The following DNAH9 variants were observed in gnomAD, a reference collection of about 807,000 sequenced individuals.
DNAH9 encodes the protein dynein axonemal heavy chain 9, also known as DNAH9 variant protein.
DNAH9 carries 345 observed loss-of-function variants against 471.6 expected under a neutral mutation model. That is an observed-to-expected ratio of 0.73 (90% CI 0.67 to 0.80). The LOEUF is 0.80. Ranked by LOEUF, DNAH9 falls within the 30% of genes least tolerant of loss-of-function variation. DNAH9 has a pLI of 0.00. For synonymous variants in DNAH9, 2,093 were observed against 2,123.6 expected, an observed-to-expected ratio of 0.99 and a Z score of 0.40; for missense variants, 5,407 against 5,609.2, an observed-to-expected ratio of 0.96 and a Z score of 1.15.
At position 11,933,982 on chromosome 17, in the gene DNAH9, T is replaced by A. The variant is rs776386538; in HGVS notation, c.12400T>A (p.Phe4134Ile). 5 of 1,614,168 alleles carry A rather than the reference T, an allele frequency of 3.1e-6. No homozygotes were observed. The East Asian group carries it at 6.7e-5, about 22-fold the overall frequency. ...RRLCRTYLGE[F>I]IRPEMLEGEL... ...ACTCTGCAGAACCTACCTGGGGGAA[T>A]TCATTCGACCAGAAATGTTAGAAGG... Residue 4134 changes from phenylalanine to isoleucine, a missense_variant, in exon 65 of 69, where the codon TTC becomes ATC. This residue lies in a region of DNAH9 where 4,636 missense variants were observed against 4,900.3 expected (regional missense o/e 0.95). Coordinates refer to ENST00000262442, the MANE Select transcript of DNAH9 (RefSeq NM_001372.4).
At chr17:11,704,019 C>T (rs544573228) in intron 24 of DNAH9, among the ~76,000 whole-genome samples, 184 bp from the exon 25 acceptor site, 7 of 152,170 alleles carry the variant, frequency 4.6e-5, no homozygotes, top group Middle Eastern at 3.2e-3. Context: ...CCACCTGTAC[C>T]GCAACAACTT....
chr17:11,610,316 T>C, intron 2 of DNAH9, 80 bp from the exon 3 acceptor site: 1 of 1,181,742 alleles, frequency 8.5e-7, no homozygotes, highest in Non-Finnish European at 1.2e-6. Flanking sequence ...GATTCTGTCT[T>C]GGGGTACACC....
rs547969340 is a variant in DNAH9 at position 11,634,721 on chromosome 17, A to T, written c.1636-1913A>T. ...TACAGAGTCCTTAGAGTGCCTTGGA[A>T]TCATTAAGGAAATCCAGTCAAACTG... On this transcript the variant is annotated intron_variant, in intron 8 of 68. Transcript: ENST00000262442. 3.3e-5 allele frequency among the ~76,000 whole-genome samples: 5 copies of T among 152,292 alleles called. No homozygotes were observed. In the South Asian group the frequency reaches 1.0e-3, roughly 32 times the overall value.
chr17:11,656,028 G>T (rs1333587574), intron 14 of DNAH9, among the ~76,000 whole-genome samples: 1 of 152,138 alleles, frequency 6.6e-6, no homozygotes, highest in African/African-American at 2.4e-5. Flanking sequence ...AAACGGGCCT[G>T]TGCCCAGTAT....
Position 11,617,261 on chromosome 17 carries a change from A to G in DNAH9, c.905-150A>G, listed in dbSNP as rs2072765081. 2.1e-5 allele frequency: 13 copies of G among 604,788 alleles called. No individual in the cohort carries two copies. The South Asian group carries it at 2.4e-4, about 11-fold the overall frequency. The allele number at this position is 604,788 out of a possible 1,614,324, so 37.5% of individuals were successfully genotyped here. A position where few individuals can be genotyped will look rare whatever the true frequency, so the allele number is the denominator to read the frequency against. On this transcript the variant is annotated intron_variant, in intron 4 of 68. Transcript: ENST00000262442. ...AGTTGTTCAGGGCTCTCCAGTTTCC[A>G]TATTTCCTCATAAGAGCTAGGAAGT...
chr17:11,810,265 G>C lies in DNAH9; in HGVS notation c.8603G>C (p.Cys2868Ser). The change falls in exon 45 of 69, where the codon TGT becomes TCT. Residue 2868 changes from cysteine (C) to serine (S), a missense_variant. Coordinates refer to ENST00000262442, the MANE Select transcript of DNAH9 (RefSeq NM_001372.4). ...QDFKMDLASL[C>S]LKAGVKNLNT... is the part of the protein sequence containing the mutation. ...CTACAGATGGACCTGGCCAGCCTGT[G>C]TCTGAAAGCTGGAGTGAAGAATCTC... is the stretch of plus-strand genomic sequence containing the variant. 6.2e-7 allele frequency: 1 copy of C among 1,613,168 alleles called. No individual in the cohort carries two copies. Among genetic ancestry groups the C allele is most frequent in the Non-Finnish European group, 8.5e-7 (1 of 1,179,630 alleles).
chr17:11,895,794 C>A (rs956839290), intron 59 of DNAH9, among the ~76,000 whole-genome samples: 1 of 152,214 alleles, frequency 6.6e-6, no homozygotes, highest in Non-Finnish European at 1.5e-5. Context: ...CAGTATATAA[C>A]CATGTGGGAT....
chr17:11,846,424 A>T (rs1971226386), intron 49 of DNAH9, among the ~76,000 whole-genome samples: 1 of 151,680 alleles, frequency 6.6e-6, no homozygotes, highest in African/African-American at 2.4e-5. Context: ...TATAGTTTGA[A>T]GTCAGGTAGC....
intron 45 of DNAH9, among the ~76,000 whole-genome samples, chr17:11,816,850 G>T (rs925417646): frequency 2.0e-5 from 3 of 152,142 alleles, no homozygotes; most frequent in African/African-American, 7.2e-5. Context: ...AGTACTTGGA[G>T]TTACAAATAG....
chr17:11,672,751 C>A (rs1361880028), intron 17 of DNAH9, among the ~76,000 whole-genome samples: 3 of 152,090 alleles, frequency 2.0e-5, no homozygotes, highest in Non-Finnish European at 4.4e-5. Context: ...TTCACTCTAC[C>A]ATACCTCTGC....
At chr17:11,720,392 T>TC (rs1402103205) in intron 27 of DNAH9, among the ~76,000 whole-genome samples, 1 of 152,044 alleles carries the variant, frequency 6.6e-6, no homozygotes, top group Non-Finnish European at 1.5e-5. Context: ...ATGCTATCCC[T>TC]CCCCGCTTCC....
intron 1 of DNAH9, among the ~76,000 whole-genome samples, chr17:11,607,407 T>G (rs968318216): frequency 4.6e-5 from 7 of 152,034 alleles, no homozygotes; most frequent in Non-Finnish European, 8.8e-5. Context: ...AAAGCACACT[T>G]TGTATTAATA....
In DNAH9 at chr17:11,719,363, A is replaced by G. The variant is rs777861119; in HGVS notation, c.5582A>G (p.His1861Arg). The change falls in exon 27 of 69, where the codon CAC (histidine) becomes CGC (arginine). Residue 1861 changes from histidine to arginine, a missense_variant. Physicochemically the swap from His to Arg is conservative, Grantham distance 29 (BLOSUM62 0). This residue lies in a region of DNAH9 where 4,636 missense variants were observed against 4,900.3 expected (regional missense o/e 0.95). Coordinates refer to ENST00000262442, the MANE Select transcript of DNAH9 (RefSeq NM_001372.4). ...RCYITLTQSL[H>R]LTMSGAPAGP... ...TACATCACCCTCACCCAGTCCCTGCACCTGACCATGAGTGGGGCTCCCGCA... is the reference window on the plus strand; with the variant it reads ...TACATCACCCTCACCCAGTCCCTGCGCCTGACCATGAGTGGGGCTCCCGCA... 4.3e-6 allele frequency: 7 copies of G among 1,613,868 alleles called. No individual in the cohort carries two copies. In the African/African-American group the frequency reaches 5.3e-5, roughly 12 times the overall value.
At chr17:11,605,476 TCTGTTGTTG>T (rs151319692) in intron 1 of DNAH9, among the ~76,000 whole-genome samples, 80,646 of 150,878 alleles carry the variant, frequency 0.53, 22,125 homozygotes, top group Non-Finnish European at 0.59. Flanking sequence ...AGCTTTTTGG[TCTGTTGTTG>T]TTGTTGTTGT....
At position 11,807,854 on chromosome 17, in the gene DNAH9, A is replaced by G. The variant is rs1453814106; in HGVS notation, c.8543A>G (p.Gln2848Arg). Residue 2848 changes from glutamine (Q) to arginine (R), a missense_variant, in exon 44 of 69, where the codon CAG becomes CGG. Transcript: ENST00000262442. ...TTCATCAGCTCCATGGATGTCTTCCAGATCACACTGCGCAAAGGCTACCAG... is the reference window on the plus strand; with the variant it reads ...TTCATCAGCTCCATGGATGTCTTCCGGATCACACTGCGCAAAGGCTACCAG... ...AAFISSMDVF[Q>R]ITLRKGYQIQ... The G allele has an allele frequency of 2.5e-6, 4 of 1,613,724 alleles. No homozygotes were observed. The highest frequency in any genetic ancestry group is 1.3e-5 in the African/African-American group (1 of 74,922).
intron 42 of DNAH9, among the ~76,000 whole-genome samples, chr17:11,794,298 G>A (rs1032180113): frequency 2.6e-5 from 4 of 152,040 alleles, no homozygotes; most frequent in Admixed American, 6.6e-5. Flanking sequence ...TCCTGACTTC[G>A]TGATCCACCC....
chr17:11,605,355 G>A (rs1321165063), intron 1 of DNAH9, among the ~76,000 whole-genome samples: 1 of 152,138 alleles, frequency 6.6e-6, no homozygotes, highest in Non-Finnish European at 1.5e-5. Context: ...TAAGCTTCAT[G>A]AGGTCAGAAA....
At position 11,797,588 on chromosome 17, in the gene DNAH9, C is replaced by A; in HGVS notation, c.8224-9C>A. On this transcript the variant is annotated splice_polypyrimidine_tract_variant and intron_variant, in intron 42 of 68. Transcript: ENST00000262442. ...AATGAGGGCCCTTATTCCTGTGTCTCATCACCAGGATATTGAAGACCCTGT... is the reference window on the plus strand; with the variant it reads ...AATGAGGGCCCTTATTCCTGTGTCTAATCACCAGGATATTGAAGACCCTGT... 1 of 1,605,252 alleles carries A rather than the reference C, an allele frequency of 6.2e-7. No homozygotes were observed. The highest frequency in any genetic ancestry group is 1.1e-5 in the South Asian group (1 of 90,030).
At chr17:11,686,250 G>A (rs1332431680) in intron 19 of DNAH9, among the ~76,000 whole-genome samples, 2 of 152,034 alleles carry the variant, frequency 1.3e-5, no homozygotes, top group Non-Finnish European at 2.9e-5. Flanking sequence ...CTCACATCTG[G>A]GTCAGGCCTG....
Sources: gnomAD v4.1 joint callset for allele counts (sites outside exome capture counted in the v4.1 genomes callset) on GRCh38, gnomAD v4.1.1 for gene constraint, gnomAD v4.1.1 regional missense constraint, MANE v1.5 for transcripts, NCBI Gene and HGNC (gene_info 2026-07-23, HGNC 2026-07-21) for gene names.